Variants in BIN1 observed in about 807,000 individuals in gnomAD.
The protein encoded by BIN1 is bridging integrator 1, also known as myc box-dependent-interacting protein 1.
BIN1 carries 53 observed loss-of-function variants against 82.0 expected under a neutral mutation model. That is an observed-to-expected ratio of 0.65 (90% CI 0.52 to 0.81). The LOEUF (loss-of-function observed/expected upper bound fraction) is 0.81. BIN1 is among the 40% of genes least tolerant of loss of function. BIN1 has a pLI of 0.00. For synonymous variants in BIN1, 302 were observed against 328.0 expected, an observed-to-expected ratio of 0.92 and a Z score of 0.86; for missense variants, 642 against 784.4, an observed-to-expected ratio of 0.82 and a Z score of 2.17.
chr2:127,094,906 G>T (rs1238132937), intron 1 of BIN1, among the ~76,000 whole-genome samples: 2 of 152,146 alleles, frequency 1.3e-5, no homozygotes, highest in Non-Finnish European at 2.9e-5. Context: ...CCCTCAATTG[G>T]GGAGGTTGAC....
At chr2:127,052,458 A>G (rs1233372898) in intron 14 of BIN1, 96 bp from the exon 15 acceptor site, 17 of 1,230,344 alleles carry the variant, frequency 1.4e-5, no homozygotes, top group Non-Finnish European at 1.7e-5. Context: ...AAATGTCACC[A>G]GCGGCTGGGG....
rs770958443 is a variant in BIN1, at chr2:127,068,859, G to A, written c.519+65C>T. 5 of 1,472,526 alleles carry A rather than the reference G, an allele frequency of 3.4e-6. No individual in the cohort carries two copies. The highest frequency in any genetic ancestry group is 1.7e-5 in the Admixed American group (1 of 59,734). 91.2% of individuals were successfully genotyped at this position (1,472,526 alleles called of 1,614,324 possible). A position where few individuals can be genotyped will look rare whatever the true frequency, so the allele number is the denominator to read the frequency against. ...GCAGGAGGAAGCCTCCACCCTCGGG[G>A]TCCTAGACACCCGCCCTCTCTCAGC... On this transcript the variant is annotated intron_variant, in intron 6 of 18. Coordinates refer to ENST00000316724, the MANE Select transcript of BIN1 (RefSeq NM_139343.3). This position sits in a 1 kb window ranked among gnomAD's most constrained non-coding sequence, Gnocchi z 4.9.
Position 127,050,876 on chromosome 2 carries a change from C to G in BIN1, c.1498G>C (p.Ala500Pro). ...CCCTCCACGGTGCCATTCACAGTTG[C>G]TGGGAAGGTCTCCACCACGACAGCA... is the stretch of plus-strand genomic sequence containing the variant. ...LPAVVVETFP[A>P]TVNGTVEGGS... Residue 500 changes from alanine to proline, a missense_variant, in exon 17 of 19, where the codon GCA (alanine) becomes CCA (proline). Physicochemically the swap from Ala to Pro is conservative, Grantham distance 27 (BLOSUM62 -1). Coordinates refer to ENST00000316724, the MANE Select transcript of BIN1 (RefSeq NM_139343.3). The G allele has an allele frequency of 6.2e-7, 1 of 1,613,936 alleles. No individual in the cohort carries two copies. Among genetic ancestry groups the G allele is most frequent in the South Asian group, 1.1e-5 (1 of 91,082 alleles).
chr2:127,086,433 C>T (rs1185110104), intron 1 of BIN1, among the ~76,000 whole-genome samples: 1 of 151,984 alleles, frequency 6.6e-6, no homozygotes, highest in Non-Finnish European at 1.5e-5. Flanking sequence ...AAGATTTTCA[C>T]GATGAAATAC....
At chr2:127,088,168 G>A (rs984817815) in intron 1 of BIN1, among the ~76,000 whole-genome samples, 1 of 152,204 alleles carries the variant, frequency 6.6e-6, no homozygotes, top group Non-Finnish European at 1.5e-5. Flanking sequence ...AGACGCAGGA[G>A]GGATCTTCTC....
chr2:127,079,352 G>C (rs1330391431), intron 1 of BIN1, among the ~76,000 whole-genome samples: 2 of 152,204 alleles, frequency 1.3e-5, no homozygotes, highest in African/African-American at 4.8e-5. Flanking sequence ...ATAAAGTGCA[G>C]AGCAGTACCT....
In BIN1 at chr2:127,068,121, C is replaced by T; in HGVS notation, c.612+42G>A. The T allele has an allele frequency of 6.3e-7, 1 of 1,585,306 alleles. No homozygotes were observed. Among genetic ancestry groups the T allele is most frequent in the Non-Finnish European group, 8.6e-7 (1 of 1,160,732 alleles). ...CAGGGCGAGAGGACAGGACGACAGA[C>T]CGGAAGGCGCCAGCACGTGCAAGGT... On this transcript the variant is annotated intron_variant, in intron 7 of 18. Transcript: ENST00000316724. This position sits in a 1 kb window ranked among gnomAD's most constrained non-coding sequence, Gnocchi z 4.9.
intron 1 of BIN1, among the ~76,000 whole-genome samples, chr2:127,100,945 G>A (rs531384062): frequency 6.7e-6 from 1 of 148,810 alleles, no homozygotes; most frequent in South Asian, 2.1e-4. Flanking sequence ...TGTTTCAGAT[G>A]AGGAAACCGG....
chr2:127,068,803 C>G lies in BIN1; in HGVS notation c.519+121G>C. ...CTCACCGGCCTGGGCCCTGTATCGT[C>G]CCCACCCCCAGTTCAGCCACCTGGG... On this transcript the variant is annotated intron_variant, in intron 6 of 18. Coordinates refer to ENST00000316724, the MANE Select transcript of BIN1 (RefSeq NM_139343.3). The surrounding 1 kb of genome is among the most constrained non-coding windows in gnomAD (Gnocchi z 4.9). 1 of 957,174 alleles carries G rather than the reference C, an allele frequency of 1.0e-6. No homozygotes were observed. The highest frequency in any genetic ancestry group is 1.4e-5 in the South Asian group (1 of 73,830). The allele number at this position is 957,174 out of a possible 1,614,324, so 59.3% of individuals were successfully genotyped here.
At chr2:127,071,022 G>T (rs1341288702) in intron 2 of BIN1, among the ~76,000 whole-genome samples, 1 of 152,184 alleles carries the variant, frequency 6.6e-6, no homozygotes, top group Non-Finnish European at 1.5e-5. Context: ...GCCCATGCTT[G>T]TGGGCACCTG....
At chr2:127,095,679 G>T (rs1263068986) in intron 1 of BIN1, among the ~76,000 whole-genome samples, 1 of 152,236 alleles carries the variant, frequency 6.6e-6, no homozygotes, top group African/African-American at 2.4e-5. Flanking sequence ...CCAACTTGGG[G>T]CCAAGTCTGA....
chr2:127,099,075 A>G (rs1184449662), intron 1 of BIN1, among the ~76,000 whole-genome samples: 1 of 152,068 alleles, frequency 6.6e-6, no homozygotes, highest in Non-Finnish European at 1.5e-5. Context: ...CCCAACCTAA[A>G]TCCTGCAGAC....
Position 127,061,634 on chromosome 2 carries a change from C to A in BIN1, c.857+481G>T, listed in dbSNP as rs554642843. 1.8e-3 allele frequency among the ~76,000 whole-genome samples: 268 copies of A among 152,350 alleles called. 2 individuals carry two copies. Among genetic ancestry groups the A allele is most frequent in the African/African-American group, 6.0e-3 (249 of 41,588 alleles). On this transcript the variant is annotated intron_variant, in intron 10 of 18. Transcript: ENST00000316724. ...CTTGCAGCTGGGATTCCCGGAGGGG[C>A]TGAGGCTGAGGACAGGAAGAGGATG...
At chr2:127,056,400 C>T (rs2104924386) in intron 12 of BIN1, 1 of 152,576 alleles carries the variant, frequency 6.6e-6, no homozygotes, top group African/African-American at 2.4e-5. Flanking sequence ...ACCCAGACAC[C>T]TGCAGCCTCA....
intron 1 of BIN1, among the ~76,000 whole-genome samples, chr2:127,084,017 C>T (rs1429028559): frequency 1.3e-5 from 2 of 152,218 alleles, no homozygotes; most frequent in East Asian, 1.9e-4. Context: ...AGGACAATCA[C>T]GGTCACTGTG....
At chr2:127,071,449 A>G (rs890005982) in intron 2 of BIN1, among the ~76,000 whole-genome samples, 5 of 152,102 alleles carry the variant, frequency 3.3e-5, no homozygotes, top group African/African-American at 1.2e-4. Flanking sequence ...ATGTAGAGGG[A>G]AAAGGCTGAG....
At chr2:127,078,646 C>A (rs1686922521) in intron 1 of BIN1, among the ~76,000 whole-genome samples, 1 of 152,168 alleles carries the variant, frequency 6.6e-6, no homozygotes, top group Non-Finnish European at 1.5e-5. Flanking sequence ...AGGGCTGACA[C>A]AGGGATGAGA....
rs767327252 is a variant in BIN1, at chr2:127,063,660, G to A, written c.699-14C>T. ...AAACCTACGCGGCTACAGAAGGGCG[G>A]AAGGATGGGGGCCAGGTGAACAGGC... is the stretch of plus-strand genomic sequence containing the variant. On this transcript the variant is annotated splice_polypyrimidine_tract_variant and intron_variant, in intron 8 of 18. Coordinates refer to ENST00000316724, the MANE Select transcript of BIN1 (RefSeq NM_139343.3). 1 of 1,612,514 alleles carries A rather than the reference G, an allele frequency of 6.2e-7. No individual in the cohort carries two copies. The highest frequency in any genetic ancestry group is 1.7e-5 in the Admixed American group (1 of 59,748).
At chr2:127,085,416 G>A (rs1482129013) in intron 1 of BIN1, among the ~76,000 whole-genome samples, 1 of 152,222 alleles carries the variant, frequency 6.6e-6, no homozygotes, top group Non-Finnish European at 1.5e-5. Flanking sequence ...CCACACAGCA[G>A]CACAAGCTCG....
Sources: gnomAD v4.1 joint callset for allele counts (sites outside exome capture counted in the v4.1 genomes callset) on GRCh38, gnomAD v4.1.1 for gene constraint, Gnocchi (gnomAD v3.1) non-coding constraint, MANE v1.5 for transcripts, NCBI Gene and HGNC (gene_info 2026-07-23, HGNC 2026-07-21) for gene names.